Variants in DAPK2 observed in about 807,000 individuals in gnomAD.
DAPK2 encodes death-associated protein kinase 2.
DAPK2 carries 35 observed loss-of-function variants against 44.1 expected under a neutral mutation model. The ratio of observed to expected loss-of-function variants is 0.79; its 90% confidence interval spans 0.61 to 1.05. The LOEUF (loss-of-function observed/expected upper bound fraction) is 1.05, where lower values mean the gene tolerates loss of function less well. Among genes scored for constraint, DAPK2 ranks in the 50% least tolerant of loss-of-function variants. The pLI is 0.00. For missense variants in DAPK2, 453 were observed against 483.2 expected (o/e 0.94, Z 0.59); for synonymous variants, 174 against 182.6 (o/e 0.95, Z 0.38).
At chr15:63,936,383 G>C (rs1356537913) in intron 4 of DAPK2, among the ~76,000 whole-genome samples, 1 of 152,210 alleles carries the variant, frequency 6.6e-6, no homozygotes, top group East Asian at 1.9e-4. Context: ...GGCCAAGGCA[G>C]GGGGATCACT....
intron 4 of DAPK2, chr15:63,935,727 A>G (rs528682305): frequency 2.0e-5 from 3 of 151,992 alleles, no homozygotes; most frequent in African/African-American, 7.2e-5. Context: ...TTCTTTTTGT[A>G]TCTATTTCCT....
chr15:63,964,280 T>C (rs1225900845), intron 3 of DAPK2, among the ~76,000 whole-genome samples: 1 of 152,236 alleles, frequency 6.6e-6, no homozygotes, highest in Non-Finnish European at 1.5e-5. Flanking sequence ...CACCCTCTCC[T>C]GGCCTATAAG....
intron 1 of DAPK2, among the ~76,000 whole-genome samples, chr15:64,006,172 G>A (rs2079224752): frequency 6.6e-6 from 1 of 152,042 alleles, no homozygotes; most frequent in Non-Finnish European, 1.5e-5. Flanking sequence ...CCCACACTGA[G>A]TGGTCTCCGC....
At chr15:63,961,930 A>C (rs1229937883) in intron 3 of DAPK2, among the ~76,000 whole-genome samples, 3 of 152,192 alleles carry the variant, frequency 2.0e-5, no homozygotes, top group Admixed American at 1.3e-4. Flanking sequence ...TAATATCCTG[A>C]AGAGTGTTTT....
intron 1 of DAPK2, among the ~76,000 whole-genome samples, chr15:64,018,707 C>T (rs575678966): frequency 1.3e-5 from 2 of 152,338 alleles, no homozygotes; most frequent in Admixed American, 6.5e-5. Flanking sequence ...TGTAGCTACT[C>T]GCCCAGCTTT....
At chr15:64,025,552 C>A (rs2079814797) in intron 1 of DAPK2, among the ~76,000 whole-genome samples, 1 of 152,220 alleles carries the variant, frequency 6.6e-6, no homozygotes, top group Non-Finnish European at 1.5e-5. Flanking sequence ...TCATCTTCAC[C>A]CCAATTCCAT....
At chr15:63,937,408 T>C (rs1415109911) in intron 4 of DAPK2, among the ~76,000 whole-genome samples, 5 of 152,220 alleles carry the variant, frequency 3.3e-5, no homozygotes, top group Non-Finnish European at 7.3e-5. Flanking sequence ...CTCTCCATTG[T>C]ATAGCCTCAT....
chr15:63,947,296 C>T lies in DAPK2; in HGVS notation c.454-7935G>A, dbSNP rs76581877. ...CTCTGGCAGAGAATCAGCTGCACTA[C>T]AATTCCTTCCTTACATGTCCTGTCC... On this transcript the variant is annotated intron_variant, in intron 3 of 10. Transcript: ENST00000261891. Among the ~76,000 whole-genome samples the T allele has an allele frequency of 1.7e-3, 254 of 151,812 alleles. 6 individuals carry two copies. In the East Asian group the frequency reaches 0.044, roughly 26 times the overall value.
At chr15:64,036,344 T>TAC (rs2080210144) in intron 1 of DAPK2, among the ~76,000 whole-genome samples, 12 of 135,006 alleles carry the variant, frequency 8.9e-5, no homozygotes, top group South Asian at 2.3e-4. Flanking sequence ...TATACATATA[T>TAC]ATATATATAT....
intron 1 of DAPK2, among the ~76,000 whole-genome samples, chr15:63,985,327 C>T (rs1334189372): frequency 6.6e-6 from 1 of 152,238 alleles, no homozygotes; most frequent in African/African-American, 2.4e-5. Context: ...TGGAGCCAGG[C>T]CTCCCAGAGC....
intron 3 of DAPK2, among the ~76,000 whole-genome samples, chr15:63,962,368 G>A (rs370410892): frequency 1.1e-4 from 16 of 152,174 alleles, no homozygotes; most frequent in African/African-American, 3.1e-4. Flanking sequence ...GTCATTCTCC[G>A]TCCAGCTTTG....
intron 2 of DAPK2, among the ~76,000 whole-genome samples, chr15:63,977,091 A>G (rs2078372493): frequency 7.8e-6 from 1 of 128,388 alleles, no homozygotes; most frequent in Non-Finnish European, 1.6e-5. Flanking sequence ...GCATCAAAAA[A>G]GAGGCAAAAA....
At chr15:64,010,032 C>T (rs1023060131) in intron 1 of DAPK2, among the ~76,000 whole-genome samples, 1 of 152,166 alleles carries the variant, frequency 6.6e-6, no homozygotes. Flanking sequence ...GCCACTGAAA[C>T]AAACTGAGTT....
intron 7 of DAPK2, among the ~76,000 whole-genome samples, chr15:63,925,427 C>T (rs2079214985): frequency 6.6e-6 from 1 of 152,094 alleles, no homozygotes. Flanking sequence ...CAGCGCCCTG[C>T]AATTCCCTGC....
At chr15:63,993,543 G>A (rs1040134286) in intron 1 of DAPK2, among the ~76,000 whole-genome samples, 10 of 151,844 alleles carry the variant, frequency 6.6e-5, no homozygotes, top group Non-Finnish European at 1.2e-4. Context: ...AGCCATCTAG[G>A]ATGGATGGTC....
intron 7 of DAPK2, among the ~76,000 whole-genome samples, chr15:63,925,585 GC>G (rs1466287650): frequency 1.3e-5 from 2 of 151,692 alleles, no homozygotes; most frequent in East Asian, 3.9e-4. Context: ...TGAAAACCCT[GC>G]CACTTAAACT....
rs1049075901 is a variant in DAPK2, at chr15:63,939,782, C to T, written c.454-421G>A. ...AAGGGACGGGGACATCCCAGCTTAGCCTCTGTTTATACTTGGCTTACTGAC... is the reference window on the plus strand; with the variant it reads ...AAGGGACGGGGACATCCCAGCTTAGTCTCTGTTTATACTTGGCTTACTGAC... On this transcript the variant is annotated intron_variant, in intron 3 of 10. Transcript: ENST00000261891. This position sits in a 1 kb window ranked among gnomAD's most constrained non-coding sequence, Gnocchi z 4.3. Among the ~76,000 whole-genome samples the T allele has an allele frequency of 7.2e-5, 11 of 152,176 alleles. No homozygotes were observed. Among genetic ancestry groups the T allele is most frequent in the Admixed American group, 6.5e-5 (1 of 15,276 alleles).
At position 63,939,366 on chromosome 15, in the gene DAPK2, A is replaced by G; in HGVS notation, c.454-5T>C. ...TAACAACATAATGTTTTCTGGCTGG[A>G]CAACAAAAAGTAGAAAAAAAAAAAA... On this transcript the variant is annotated splice_region_variant and splice_polypyrimidine_tract_variant and intron_variant, in intron 3 of 10. Coordinates refer to ENST00000261891, the Ensembl canonical transcript of DAPK2. The surrounding 1 kb of genome is among the most constrained non-coding windows in gnomAD (Gnocchi z 4.3). 1 of 1,579,488 alleles carries G rather than the reference A, an allele frequency of 6.3e-7. No homozygotes were observed. Among genetic ancestry groups the G allele is most frequent in the Non-Finnish European group, 8.6e-7 (1 of 1,167,974 alleles).
rs1383917919 is a variant in DAPK2, at chr15:63,912,096, C to T, written c.948+12G>A. The T allele has an allele frequency of 1.4e-6, 2 of 1,387,192 alleles. No individual in the cohort carries two copies. The highest frequency in any genetic ancestry group is 2.8e-5 in the East Asian group (1 of 35,710). The allele number at this position is 1,387,192 out of a possible 1,614,324, so 85.9% of individuals were successfully genotyped here. On this transcript the variant is annotated intron_variant, in intron 9 of 10. Transcript: ENST00000261891. The surrounding 1 kb of genome is among the most constrained non-coding windows in gnomAD (Gnocchi z 4.4). ...CCCACCCTGTCCCCCGCCGCCCCAACCCTGGACACACCTTCCACCGCCTGC... is the reference window on the plus strand; with the variant it reads ...CCCACCCTGTCCCCCGCCGCCCCAATCCTGGACACACCTTCCACCGCCTGC...
Sources: allele counts gnomAD v4.1 joint callset (sites outside exome capture counted in the v4.1 genomes callset), GRCh38; gene constraint gnomAD v4.1.1; non-coding constraint Gnocchi (gnomAD v3.1); transcripts MANE v1.5; gene names NCBI Gene and HGNC (gene_info 2026-07-23, HGNC 2026-07-21).